The following PFAS variants were observed in gnomAD, a reference collection of about 807,000 sequenced individuals.
The protein encoded by PFAS is FGAM synthase.
Under a neutral mutation model 140.6 loss-of-function variants are expected in PFAS, and 97 were observed. The ratio of observed to expected loss-of-function variants is 0.69; its 90% CI spans 0.59 to 0.82. The LOEUF (loss-of-function observed/expected upper bound fraction) is 0.82. Among genes scored for constraint, PFAS ranks in the 40% least tolerant of loss-of-function variants. The pLI, the probability that PFAS is intolerant of heterozygous loss-of-function variation, is 0.00. For missense variants in PFAS, 1,656 were observed against 1,780.2 expected (o/e 0.93, Z 1.26); for synonymous variants, 679 against 718.8 (o/e 0.94, Z 0.88).
In PFAS at chr17:8,265,594, A is replaced by G. The variant is rs755510936; in HGVS notation, c.2500A>G (p.Ile834Val). 7 of 1,614,132 alleles carry G rather than the reference A, an allele frequency of 4.3e-6. No individual in the cohort carries two copies. The highest frequency in any genetic ancestry group is 1.1e-5 in the South Asian group (1 of 91,082). Residue 834 changes from isoleucine to valine, a missense_variant, in exon 20 of 28, where the codon ATC (isoleucine) becomes GTC (valine). Ile to Val is a conservative substitution (Grantham distance 29). Transcript: ENST00000314666. ...VISAYAVCPD[I>V]TATVTPDLKH... ...CTCAGCCTATGCCGTCTGCCCAGAC[A>G]TCACAGCCACTGTGACCCCAGACCT... is the stretch of plus-strand genomic sequence containing the variant.
At chr17:8,263,035 C>T (rs762503832) in intron 12 of PFAS, 42 bp downstream of exon 12, 42 of 1,609,030 alleles carry the variant, frequency 2.6e-5, no homozygotes, top group Middle Eastern at 1.6e-4. Flanking sequence ...TTGATATAAC[C>T]GGGCCCCAGG....
chr17:8,259,188 G>A (rs1989494774), intron 11 of PFAS, among the ~76,000 whole-genome samples: 1 of 150,868 alleles, frequency 6.6e-6, no homozygotes, highest in South Asian at 2.1e-4. Flanking sequence ...ATGTAACATG[G>A]CATACCGTTT....
chr17:8,252,794 C>A (rs553767165), intron 1 of PFAS, among the ~76,000 whole-genome samples: 1 of 151,968 alleles, frequency 6.6e-6, no homozygotes, highest in Non-Finnish European at 1.5e-5. Context: ...ATTTTTGTAT[C>A]TTTTTTGAGA....
chr17:8,251,936 G>A (rs568100347), intron 1 of PFAS, among the ~76,000 whole-genome samples: 5 of 151,922 alleles, frequency 3.3e-5, no homozygotes, highest in African/African-American at 1.2e-4. Flanking sequence ...GCCTCCTAAA[G>A]TGCTAGGATT....
At chr17:8,261,154 A>G (rs560996695) in intron 11 of PFAS, among the ~76,000 whole-genome samples, 117 of 152,188 alleles carry the variant, frequency 7.7e-4, no homozygotes, top group African/African-American at 2.7e-3. Flanking sequence ...GTAAGGCATA[A>G]TAGTGGGTAT....
At position 8,256,331 on chromosome 17, in the gene PFAS, T is replaced by TCAC; in HGVS notation, c.746_748dup (p.Ser249_Leu250insPro). ...CGTGGATGGGCAGAAGCTGGTGCAC[T>TCAC]CACTGTTTGAGTCCATCATGAGCAC... On this transcript the variant is annotated inframe_insertion, in exon 7 of 28. Transcript: ENST00000314666. 1 of 1,614,032 alleles carries TCAC rather than the reference T, an allele frequency of 6.2e-7. No homozygotes were observed. The highest frequency in any genetic ancestry group is 2.2e-5 in the East Asian group (1 of 44,880).
upstream of PFAS, chr17:8,248,053 G>A (rs911311428): frequency 9.2e-7 from 1 of 1,088,690 alleles, no homozygotes; most frequent in South Asian, 1.3e-5. Flanking sequence ...CCGGAGCTCC[G>A]CCCCCGGGAG....
chr17:8,269,369 T>C lies in PFAS; in HGVS notation c.*105T>C, dbSNP rs1338806380. 1 of 817,016 alleles carries C rather than the reference T, an allele frequency of 1.2e-6. No homozygotes were observed. Among genetic ancestry groups the C allele is most frequent in the East Asian group, 2.7e-5 (1 of 37,418 alleles). 50.6% of individuals were successfully genotyped at this position (817,016 alleles called of 1,614,324 possible). On this transcript the variant is annotated 3_prime_UTR_variant, in exon 28 of 28. Coordinates refer to ENST00000314666, the MANE Select transcript of PFAS (RefSeq NM_012393.3). The stretch of plus-strand genomic sequence containing the variant: ...ACCCCATATTATTTCCAAAAATATC[T>C]TGGACAGACAAGGACCAAAATGCCA...
chr17:8,267,958 A>C lies in PFAS; in HGVS notation c.3382+293A>C, dbSNP rs1432871861. ...TGTATATTATTTATATATTATTAAA[A>C]TATATATTATTTATATATATTATTT... is the stretch of plus-strand genomic sequence containing the variant. On this transcript the variant is annotated intron_variant, in intron 26 of 27. Transcript: ENST00000314666. This position sits in a 1 kb window ranked among gnomAD's most constrained non-coding sequence, Gnocchi z 4.9. Among the ~76,000 whole-genome samples, 2 of 143,516 alleles carry C rather than the reference A, an allele frequency of 1.4e-5. No individual in the cohort carries two copies. Among genetic ancestry groups the C allele is most frequent in the Non-Finnish European group, 3.0e-5 (2 of 65,904 alleles). The allele number at this position is 143,516 out of a possible 152,430, so 94.2% of individuals were successfully genotyped here.
Position 8,267,251 on chromosome 17 carries a change from C to A in PFAS, c.3175+16C>A. Reference sequence around the variant, plus strand: ...CGTGAGCCTGGTGAGGGAGTGTGTGCAGAGGCTCCGCGTCCTGGGGGCACT... The same window carrying A: ...CGTGAGCCTGGTGAGGGAGTGTGTGAAGAGGCTCCGCGTCCTGGGGGCACT... On this transcript the variant is annotated intron_variant, in intron 24 of 27. Transcript: ENST00000314666. This position sits in a 1 kb window ranked among gnomAD's most constrained non-coding sequence, Gnocchi z 4.9. 1 of 1,602,482 alleles carries A rather than the reference C, an allele frequency of 6.2e-7. No homozygotes were observed. Among genetic ancestry groups the A allele is most frequent in the Non-Finnish European group, 8.5e-7 (1 of 1,171,240 alleles).
In PFAS at chr17:8,258,116, G is replaced by A. The variant is rs763306685; in HGVS notation, c.1253G>A (p.Arg418His). Reference protein sequence around the residue: ...LGLQLPDGQRREWIKPIMFSG... With the variant: ...LGLQLPDGQRHEWIKPIMFSG... ...CTCCAGCTCCCAGACGGCCAGCGGC[G>A]TGAGTGGATCAAGCCCATCATGTTT... Residue 418 changes from arginine (R) to histidine (H), a missense_variant, in exon 11 of 28, where the codon CGT becomes CAT. Physicochemically the swap from Arg to His is conservative, Grantham distance 29. Coordinates refer to ENST00000314666, the MANE Select transcript of PFAS (RefSeq NM_012393.3). The A allele has an allele frequency of 3.9e-5, 63 of 1,614,098 alleles. No individual in the cohort carries two copies. The highest frequency in any genetic ancestry group is 6.7e-5 in the African/African-American group (5 of 75,036).
chr17:8,261,814 T>G (rs1342662631), intron 11 of PFAS, among the ~76,000 whole-genome samples: 1 of 152,004 alleles, frequency 6.6e-6, no homozygotes, highest in African/African-American at 2.4e-5. Context: ...TTTCACTGTG[T>G]TAGCCAGGCT....
intron 9 of PFAS, among the ~76,000 whole-genome samples, chr17:8,257,338 C>T (rs1405256383): frequency 6.6e-6 from 1 of 152,142 alleles, no homozygotes; most frequent in Non-Finnish European, 1.5e-5. Flanking sequence ...GGGCGGATCA[C>T]AAGGTCAGGA....
At position 8,255,828 on chromosome 17, in the gene PFAS, C is replaced by A; in HGVS notation, c.598C>A (p.Leu200Ile). The change falls in exon 6 of 28, where the codon CTA becomes ATA. Residue 200 changes from leucine (L) to isoleucine (I), a missense_variant. Physicochemically the swap from Leu to Ile is conservative, Grantham distance 5 (BLOSUM62 2). This residue lies in a region of PFAS where 773 missense variants were observed against 757.3 expected (regional missense o/e 1.02). Coordinates refer to ENST00000314666, the MANE Select transcript of PFAS (RefSeq NM_012393.3). ...ELGLALDSWD[L>I]DFYTKRFQEL... ...AGGTCTGGCTTTAGACTCTTGGGAC[C>A]TAGACTTCTACACCAAGCGCTTCCA... 1 of 1,614,016 alleles carries A rather than the reference C, an allele frequency of 6.2e-7. No homozygotes were observed. Among genetic ancestry groups the A allele is most frequent in the South Asian group, 1.1e-5 (1 of 91,072 alleles).
At chr17:8,258,985 C>CAACT (rs1051453838) in intron 11 of PFAS, among the ~76,000 whole-genome samples, 5 of 88,482 alleles carry the variant, frequency 5.7e-5, no homozygotes, top group African/African-American at 2.0e-4. Context: ...GACTCCATCT[C>CAACT]AAAAAAAAAA....
chr17:8,259,938 C>G (rs1226440557), intron 11 of PFAS, among the ~76,000 whole-genome samples: 2 of 151,966 alleles, frequency 1.3e-5, no homozygotes, highest in Non-Finnish European at 1.5e-5. Flanking sequence ...CCCTCTCTGC[C>G]AAAAATTCAA....
At chr17:8,268,888 G>A (rs986293805) in intron 27 of PFAS, 32 bp downstream of exon 27, 5 of 1,611,856 alleles carry the variant, frequency 3.1e-6, no homozygotes, top group Admixed American at 1.7e-5. Context: ...GGGAGGGCCC[G>A]AGGGTTGGGG....
At position 8,264,141 on chromosome 17, in the gene PFAS, G is replaced by C. The variant is rs1018008330; in HGVS notation, c.1792-71G>C. On this transcript the variant is annotated intron_variant, in intron 15 of 27. Coordinates refer to ENST00000314666, the MANE Select transcript of PFAS (RefSeq NM_012393.3). ...GGAGTGGAAAGCACATTTGTGCCCT[G>C]ATTTCTAGGAACATTCCTTGCTGGT... is the stretch of plus-strand genomic sequence containing the variant. The C allele has an allele frequency of 8.8e-6, 14 of 1,593,730 alleles. No homozygotes were observed. The African/African-American group carries it at 1.9e-4, about 21-fold the overall frequency.
Position 8,254,240 on chromosome 17 carries a change from GT to G in PFAS, c.219del (p.Ala74LeufsTer21). 6.2e-7 allele frequency: 1 copy of G among 1,614,152 alleles called. No homozygotes were observed. The highest frequency in any genetic ancestry group is 8.5e-7 in the Non-Finnish European group (1 of 1,180,024). ...LFGCPLLLDD[V>X]ARESWLLPGS... ...TGGTTGCCCCTTACTGCTGGATGAT[GT>G]TGCTCGGGAGTCCTGGCTCCTTCCT... On this transcript the variant is annotated frameshift_variant, in exon 3 of 28. Transcript: ENST00000314666. LOFTEE classifies it high-confidence loss of function.
Sources: allele counts gnomAD v4.1 joint callset (sites outside exome capture counted in the v4.1 genomes callset), GRCh38; gene constraint gnomAD v4.1.1; regional missense constraint gnomAD v4.1.1; non-coding constraint Gnocchi (gnomAD v3.1); transcripts MANE v1.5; gene names NCBI Gene and HGNC (gene_info 2026-07-23, HGNC 2026-07-21).